The following EFNB2 variants were observed in gnomAD, a reference collection of about 807,000 sequenced individuals.
EFNB2 encodes the protein ephrin B2.
EFNB2 carries 5 observed loss-of-function variants against 32.1 expected under a neutral mutation model. That is an observed-to-expected ratio of 0.16 (90% CI 0.08 to 0.33). EFNB2 has a LOEUF of 0.33. EFNB2 is among the 10% of genes least tolerant of loss of function. The pLI is 1.00. For missense variants in EFNB2, 263 were observed against 422.6 expected (o/e 0.62, Z 3.31); for synonymous variants, 168 against 166.5 (o/e 1.01, Z -0.07).
At chr13:106,524,713 C>A (rs190456985) in intron 1 of EFNB2, among the ~76,000 whole-genome samples, 2 of 152,314 alleles carry the variant, frequency 1.3e-5, no homozygotes, top group Non-Finnish European at 1.5e-5. Context: ...ACAGTACTCT[C>A]TACTAGAATA....
chr13:106,525,230 A>C (rs544389783), intron 1 of EFNB2, among the ~76,000 whole-genome samples: 1 of 152,350 alleles, frequency 6.6e-6, no homozygotes, highest in East Asian at 1.9e-4. Flanking sequence ...CACTAAGGCT[A>C]CTGCTCCTAA....
chr13:106,523,375 C>A (rs952894121), intron 1 of EFNB2, among the ~76,000 whole-genome samples: 1 of 152,102 alleles, frequency 6.6e-6, no homozygotes, highest in African/African-American at 2.4e-5. Context: ...CCACATTCAG[C>A]CTGGAATTAC....
intron 1 of EFNB2, among the ~76,000 whole-genome samples, chr13:106,515,375 C>T (rs1322368852): frequency 6.6e-6 from 1 of 152,026 alleles, no homozygotes; most frequent in African/African-American, 2.4e-5. Flanking sequence ...GACGGCAATC[C>T]GGGGGATGCT....
intron 1 of EFNB2, among the ~76,000 whole-genome samples, chr13:106,530,143 T>C (rs996995286): frequency 2.0e-5 from 3 of 152,210 alleles, no homozygotes; most frequent in Non-Finnish European, 4.4e-5. Flanking sequence ...CTTTGTATTC[T>C]TTGGCTTTAT....
chr13:106,533,099 T>C (rs868236354), intron 1 of EFNB2, among the ~76,000 whole-genome samples: 6 of 34,352 alleles, frequency 1.7e-4, no homozygotes, highest in African/African-American at 4.4e-4. Flanking sequence ...TAAATCCTCA[T>C]AAGAAAAAAA....
intron 1 of EFNB2, 22 bp from the exon 2 acceptor site, chr13:106,512,834 G>A: frequency 2.0e-6 from 3 of 1,536,034 alleles, no homozygotes; most frequent in Non-Finnish European, 2.6e-6. Flanking sequence ...AGAAAAAAAA[G>A]CCATTGAGTT....
intron 1 of EFNB2, among the ~76,000 whole-genome samples, chr13:106,531,983 C>T (rs1403606708): frequency 6.6e-6 from 1 of 151,384 alleles, no homozygotes; most frequent in African/African-American, 2.4e-5. Context: ...CAAAATCTCC[C>T]TCTTGGAAGA....
At chr13:106,534,127 T>G (rs1277762075) in intron 1 of EFNB2, among the ~76,000 whole-genome samples, 1 of 152,098 alleles carries the variant, frequency 6.6e-6, no homozygotes, top group Non-Finnish European at 1.5e-5. Flanking sequence ...AGGTCGGCCA[T>G]CGAGACCGCA....
At position 106,492,129 on chromosome 13, in the gene EFNB2, AG is replaced by A. The variant is rs1389579625; in HGVS notation, c.*910del. On this transcript the variant is annotated 3_prime_UTR_variant, in exon 5 of 5. Transcript: ENST00000646441. The surrounding 1 kb of genome is among the most constrained non-coding windows in gnomAD (Gnocchi z 5.1). Reference sequence around the variant, plus strand: ...TTCCTGCACATCGCTATTTGATAACAGCGAGTGCCTCCCCATGCACTGGAAT... The same window carrying A: ...TTCCTGCACATCGCTATTTGATAACACGAGTGCCTCCCCATGCACTGGAAT... 6.5e-6 allele frequency: 1 copy of A among 152,736 alleles called. No homozygotes were observed. The highest frequency in any genetic ancestry group is 2.4e-5 in the African/African-American group (1 of 41,456). The allele number at this position is 152,736 out of a possible 1,614,324, so 9.5% of individuals were successfully genotyped here.
At position 106,535,479 on chromosome 13, in the gene EFNB2, G is replaced by A. The variant is rs1880047529; in HGVS notation, c.-515C>T. 6.7e-6 allele frequency: 1 copy of A among 150,050 alleles called. No homozygotes were observed. The highest frequency in any genetic ancestry group is 6.6e-5 in the Admixed American group (1 of 15,100). 9.3% of individuals were successfully genotyped at this position (150,050 alleles called of 1,614,324 possible). Reference sequence around the variant, plus strand: ...CACGGAGCGGAGTAGGGCGCCTCCGGGCGCGCAGGAGCCTTCTCAGTCCGC... The same window carrying A: ...CACGGAGCGGAGTAGGGCGCCTCCGAGCGCGCAGGAGCCTTCTCAGTCCGC... On this transcript the variant is annotated 5_prime_UTR_variant, in exon 1 of 5. Coordinates refer to ENST00000646441, the MANE Select transcript of EFNB2 (RefSeq NM_004093.4).
At chr13:106,496,630 G>T (rs1490324536) in intron 2 of EFNB2, among the ~76,000 whole-genome samples, 2 of 152,134 alleles carry the variant, frequency 1.3e-5, no homozygotes, top group African/African-American at 4.8e-5. Context: ...TTCACCAACT[G>T]AATTCCCTCT....
At chr13:106,498,750 C>A (rs1427343544) in intron 2 of EFNB2, among the ~76,000 whole-genome samples, 2 of 152,122 alleles carry the variant, frequency 1.3e-5, no homozygotes. Flanking sequence ...TTTGTAGGTT[C>A]CTCTGAAGCC....
chr13:106,534,810 C>T (rs1485486988), intron 1 of EFNB2, 33 bp downstream of exon 1: 3 of 1,590,436 alleles, frequency 1.9e-6, no homozygotes, highest in Non-Finnish European at 2.6e-6. Flanking sequence ...GACCCCGGGG[C>T]GGGGACATAG....
At chr13:106,515,142 G>T (rs9520091) in intron 1 of EFNB2, among the ~76,000 whole-genome samples, 123,267 of 152,130 alleles carry the variant, frequency 0.81, 51,284 homozygotes, top group Middle Eastern at 0.91. Flanking sequence ...TCAGCGACAG[G>T]TCTTGCTGGT....
chr13:106,498,476 G>A lies in EFNB2; in HGVS notation c.407-2636C>T, dbSNP rs574791125. ...TTTCTGAATATCAATGCTTTTGTGC[G>A]GAGCTCCCTAGGTTTACCAAAACGG... On this transcript the variant is annotated intron_variant, in intron 2 of 4. Transcript: ENST00000646441. Among the ~76,000 whole-genome samples, 5 of 151,994 alleles carry A rather than the reference G, an allele frequency of 3.3e-5. No homozygotes were observed. The South Asian group carries it at 6.2e-4, about 19-fold the overall frequency.
chr13:106,508,430 A>G (rs1372955900), intron 2 of EFNB2, among the ~76,000 whole-genome samples: 1 of 152,228 alleles, frequency 6.6e-6, no homozygotes, highest in Non-Finnish European at 1.5e-5. Flanking sequence ...AGATCTGAAC[A>G]TAATAAAGAA....
At chr13:106,530,243 C>T (rs1339850259) in intron 1 of EFNB2, among the ~76,000 whole-genome samples, 1 of 152,116 alleles carries the variant, frequency 6.6e-6, no homozygotes, top group Non-Finnish European at 1.5e-5. Context: ...TATATTCCTC[C>T]CCCAGCCTCC....
intron 1 of EFNB2, among the ~76,000 whole-genome samples, chr13:106,514,195 G>C (rs1879240707): frequency 6.6e-6 from 1 of 152,018 alleles, no homozygotes; most frequent in African/African-American, 2.4e-5. Flanking sequence ...CCTTTAGCAA[G>C]GATATATGAC....
chr13:106,519,767 T>C (rs1302434862), intron 1 of EFNB2: 2 of 152,252 alleles, frequency 1.3e-5, no homozygotes, highest in African/African-American at 4.8e-5. Flanking sequence ...TTCTGTGTTT[T>C]CTTTGCAATA....
Sources: gnomAD v4.1 joint callset for allele counts (sites outside exome capture counted in the v4.1 genomes callset) on GRCh38, gnomAD v4.1.1 for gene constraint, Gnocchi (gnomAD v3.1) non-coding constraint, MANE v1.5 for transcripts, NCBI Gene and HGNC (gene_info 2026-07-23, HGNC 2026-07-21) for gene names.